HMGN5: variants seen among roughly 807,000 people sequenced by gnomAD.
The protein encoded by HMGN5 is high mobility group nucleosome-binding domain-containing protein 5.
HMGN5 carries 4 observed loss-of-function variants against 9.5 expected under a neutral mutation model. The observed-to-expected ratio is 0.42, with a 90% CI of 0.21 to 0.96. HMGN5 has a LOEUF of 0.96. Ranked by LOEUF, HMGN5 falls within the 40% of genes least tolerant of loss-of-function variation. The pLI, the probability that HMGN5 is intolerant of heterozygous loss-of-function variation, is 0.30. For missense variants in HMGN5, 192 were observed against 187.5 expected (o/e 1.02, Z -0.14); for synonymous variants, 55 against 57.1 (o/e 0.96, Z 0.16).
chrX:81,188,477 C>CT (rs1217724976), intron 1 of HMGN5, among the ~76,000 whole-genome samples: 2 of 109,306 alleles, frequency 1.8e-5, no homozygotes, highest in Admixed American at 9.8e-5. Flanking sequence ...AGTCTTTCTA[C>CT]TTTTTTTATA....
intron 1 of HMGN5, among the ~76,000 whole-genome samples, chrX:81,134,223 G>A (rs1257821443): frequency 9.0e-6 from 1 of 111,098 alleles, no homozygotes; most frequent in East Asian, 2.8e-4. Flanking sequence ...TCTCAATTTT[G>A]GTTACAAACA....
chrX:81,198,974 A>C (rs2075517102), intron 1 of HMGN5, among the ~76,000 whole-genome samples: 1 of 111,945 alleles, frequency 8.9e-6, no homozygotes, highest in Non-Finnish European at 1.9e-5. Flanking sequence ...TATACTTAGA[A>C]AATCCCATTG....
chrX:81,196,871 C>T lies in HMGN5; in HGVS notation c.-124+4866G>A, dbSNP rs896638024. Among the ~76,000 whole-genome samples, 18 of 111,124 alleles carry T rather than the reference C, an allele frequency of 1.6e-4. No homozygotes were observed. The Admixed American group carries it at 1.7e-3, about 11-fold the overall frequency. ...ATGGTTTTATAAGGAGCTCTTCCCCCGTTGCTCCTCCCTCTTCTGTCTCCT... is the reference window on the plus strand; with the variant it reads ...ATGGTTTTATAAGGAGCTCTTCCCCTGTTGCTCCTCCCTCTTCTGTCTCCT... On this transcript the variant is annotated intron_variant, in intron 1 of 6. Coordinates refer to ENST00000358130, the MANE Select transcript of HMGN5 (RefSeq NM_030763.3).
chrX:81,144,658 T>G (rs1455250562), intron 1 of HMGN5, among the ~76,000 whole-genome samples: 1 of 111,417 alleles, frequency 9.0e-6, no homozygotes, highest in Non-Finnish European at 1.9e-5. Flanking sequence ...TTTGATGAAT[T>G]GACAGAAGCA....
chrX:81,171,608 A>G (rs1032072898), intron 1 of HMGN5, among the ~76,000 whole-genome samples: 2 of 112,058 alleles, frequency 1.8e-5, no homozygotes, highest in Non-Finnish European at 3.8e-5. Context: ...AGTTAATCAC[A>G]CATAGAAATA....
chrX:81,185,661 A>G (rs1255733903), intron 1 of HMGN5, among the ~76,000 whole-genome samples: 1 of 111,589 alleles, frequency 9.0e-6, no homozygotes, highest in East Asian at 2.8e-4. Flanking sequence ...CTGAATATCA[A>G]TGGCAAAAGT....
intron 1 of HMGN5, among the ~76,000 whole-genome samples, chrX:81,191,205 T>C (rs1032080454): frequency 1.2e-4 from 13 of 112,294 alleles, no homozygotes; most frequent in Admixed American, 6.6e-4. Context: ...TACATACATG[T>C]GTATTATTTA....
In HMGN5 at chrX:81,162,549, C is replaced by T. The variant is rs553955307; in HGVS notation, c.-124+39188G>A. 8.1e-5 allele frequency among the ~76,000 whole-genome samples: 9 copies of T among 111,194 alleles called. No individual in the cohort carries two copies. In the South Asian group the frequency reaches 3.4e-3, roughly 42 times the overall value. ...AGCTATATTTCAGAATTGTTATGAA[C>T]TAGTGACTGCTGCAGTCTTTCCATC... On this transcript the variant is annotated intron_variant, in intron 1 of 6. Transcript: ENST00000358130.
At chrX:81,150,680 A>G (rs1251581439) in intron 1 of HMGN5, among the ~76,000 whole-genome samples, 3 of 112,544 alleles carry the variant, frequency 2.7e-5, no homozygotes, top group Non-Finnish European at 5.6e-5. Context: ...AAGATCAATG[A>G]AACAGAAAGT....
chrX:81,127,754 G>C (rs1442933823), intron 1 of HMGN5, among the ~76,000 whole-genome samples: 1 of 111,524 alleles, frequency 9.0e-6, no homozygotes, highest in African/African-American at 3.3e-5. Flanking sequence ...GTTAAAACTA[G>C]TTGTCTTTAA....
intron 1 of HMGN5, among the ~76,000 whole-genome samples, chrX:81,173,995 T>G (rs982742673): frequency 8.9e-6 from 1 of 111,837 alleles, no homozygotes; most frequent in African/African-American, 3.2e-5. Flanking sequence ...GACAGTGAAC[T>G]GAGAGACTTC....
chrX:81,149,579 T>G (rs1033991274), intron 1 of HMGN5, among the ~76,000 whole-genome samples: 12 of 111,682 alleles, frequency 1.1e-4, no homozygotes, highest in African/African-American at 3.6e-4. Context: ...ATGTAACTAA[T>G]CTACATGTTT....
intron 1 of HMGN5, among the ~76,000 whole-genome samples, chrX:81,184,628 G>T (rs1012094714): frequency 5.6e-5 from 6 of 107,822 alleles, no homozygotes; most frequent in Admixed American, 1.0e-4. Flanking sequence ...TTTTTAACTT[G>T]ATTTGATATC....
intron 1 of HMGN5, among the ~76,000 whole-genome samples, chrX:81,169,483 A>G (rs1384015399): frequency 1.8e-5 from 2 of 111,934 alleles, no homozygotes; most frequent in Non-Finnish European, 3.8e-5. Context: ...TGAAAAAACA[A>G]TGCCAAGATC....
At chrX:81,174,907 T>G (rs1374733483) in intron 1 of HMGN5, among the ~76,000 whole-genome samples, 1 of 111,419 alleles carries the variant, frequency 9.0e-6, no homozygotes, top group African/African-American at 3.3e-5. Context: ...ATAAATAGAC[T>G]CTGCATTCAC....
intron 1 of HMGN5, among the ~76,000 whole-genome samples, chrX:81,188,376 GC>G (rs940244797): frequency 1.8e-5 from 2 of 108,822 alleles, no homozygotes; most frequent in Non-Finnish European, 3.8e-5. Context: ...AGATCCACCA[GC>G]CTTGGCCTCC....
At chrX:81,199,816 G>T (rs1056234162) in intron 1 of HMGN5, among the ~76,000 whole-genome samples, 1 of 111,969 alleles carries the variant, frequency 8.9e-6, no homozygotes, top group South Asian at 3.7e-4. Context: ...ACATAGGCAT[G>T]GGCAAAGATT....
chrX:81,118,812 G>A, intron 3 of HMGN5, 53 bp from the exon 4 acceptor site: 1 of 888,037 alleles, frequency 1.1e-6, no homozygotes, highest in East Asian at 3.2e-5. Flanking sequence ...CAAAAAGCTA[G>A]AATTATTTTT....
intron 1 of HMGN5, among the ~76,000 whole-genome samples, chrX:81,147,101 C>T (rs1056390177): frequency 7.2e-5 from 8 of 111,869 alleles, no homozygotes; most frequent in African/African-American, 2.6e-4. Context: ...CCTTCTGAAA[C>T]TATTCCAAAC....
Sources: allele counts gnomAD v4.1 joint callset (sites outside exome capture counted in the v4.1 genomes callset), GRCh38; gene constraint gnomAD v4.1.1; transcripts MANE v1.5; gene names NCBI Gene and HGNC (gene_info 2026-07-23, HGNC 2026-07-21).